OSBPL10: variants seen among roughly 807,000 people sequenced by gnomAD.
OSBPL10 encodes oxysterol binding protein like 10, also known as oxysterol-binding protein-related protein 10.
Under a neutral mutation model 81.7 loss-of-function variants are expected in OSBPL10, and 49 were observed. The observed-to-expected ratio is 0.60, with a 90% CI of 0.48 to 0.76. The LOEUF (loss-of-function observed/expected upper bound fraction) is 0.76. OSBPL10 is among the 30% of genes least tolerant of loss of function. OSBPL10 has a pLI of 0.00. For synonymous variants in OSBPL10, 419 were observed against 383.6 expected (o/e 1.09, Z -1.08); for missense variants, 923 against 987.8 (o/e 0.93, Z 0.88).
intron 1 of OSBPL10, among the ~76,000 whole-genome samples, chr3:31,931,626 T>C (rs1303138951): frequency 6.6e-6 from 1 of 152,246 alleles, no homozygotes; most frequent in African/African-American, 2.4e-5. Context: ...TCTGTGCTTA[T>C]GTTTTTAATT....
At chr3:31,804,536 GA>G (rs1291307620) in intron 4 of OSBPL10, among the ~76,000 whole-genome samples, 2 of 152,170 alleles carry the variant, frequency 1.3e-5, no homozygotes, top group African/African-American at 2.4e-5. Flanking sequence ...TATTAGGACA[GA>G]AGGGGAGAGA....
intron 1 of OSBPL10, chr3:31,960,003 A>G (rs1698113647): frequency 6.6e-6 from 1 of 152,240 alleles, no homozygotes; most frequent in South Asian, 2.1e-4. Context: ...AATGCAGAAA[A>G]TGAAAGTTGC....
chr3:31,982,085 C>T (rs1698861760), upstream of OSBPL10, among the ~76,000 whole-genome samples: 1 of 152,144 alleles, frequency 6.6e-6, no homozygotes, highest in Admixed American at 6.5e-5. Context: ...ATAAACCTGG[C>T]AAGTCAAAAC....
chr3:32,073,372 G>A (rs188110510), intron 1 of OSBPL10, among the ~76,000 whole-genome samples: 22 of 152,156 alleles, frequency 1.4e-4, no homozygotes, highest in Admixed American at 3.3e-4. Flanking sequence ...CTACAACCTC[G>A]ATGGACAGGA....
chr3:31,754,658 A>G (rs76132765), intron 4 of OSBPL10, among the ~76,000 whole-genome samples: 17,668 of 152,182 alleles, frequency 0.12, 1,472 homozygotes, highest in African/African-American at 0.24. Flanking sequence ...AAAGGGCCAC[A>G]TGGTAAACAC....
At chr3:31,690,141 C>T (rs1466304927) in intron 7 of OSBPL10, among the ~76,000 whole-genome samples, 1 of 152,078 alleles carries the variant, frequency 6.6e-6, no homozygotes, top group Non-Finnish European at 1.5e-5. Context: ...TTGTAATCCC[C>T]AGTGTTGGAG....
chr3:31,831,979 C>T (rs939558583), intron 3 of OSBPL10, among the ~76,000 whole-genome samples: 3 of 152,200 alleles, frequency 2.0e-5, no homozygotes, highest in African/African-American at 7.2e-5. Context: ...ACCCAAATGT[C>T]CGTCAGCATG....
At chr3:31,708,337 G>A (rs1455927635) in intron 6 of OSBPL10, among the ~76,000 whole-genome samples, 1 of 152,142 alleles carries the variant, frequency 6.6e-6, no homozygotes, top group East Asian at 1.9e-4. Context: ...ATTCCAATAT[G>A]TACAGCATAT....
intron 4 of OSBPL10, among the ~76,000 whole-genome samples, chr3:31,797,408 A>C (rs529956674): frequency 6.6e-6 from 1 of 152,300 alleles, no homozygotes; most frequent in Admixed American, 6.5e-5. Flanking sequence ...CTTAGATGGA[A>C]TCTCCCACCT....
At chr3:31,846,483 G>A (rs796518514) in intron 3 of OSBPL10, among the ~76,000 whole-genome samples, 196 of 152,036 alleles carry the variant, frequency 1.3e-3, no homozygotes, top group African/African-American at 4.5e-3. Context: ...AAAATTAGCC[G>A]GGCCTGGTGG....
At chr3:31,987,125 C>G (rs1228706054) in intron 2 of OSBPL10, among the ~76,000 whole-genome samples, 1 of 152,118 alleles carries the variant, frequency 6.6e-6, no homozygotes, top group Non-Finnish European at 1.5e-5. Context: ...TACACACACA[C>G]ACACACACAT....
At chr3:31,684,784 G>GGAGGTCGGTCCTC (rs1402235387) in intron 7 of OSBPL10, among the ~76,000 whole-genome samples, 1 of 152,228 alleles carries the variant, frequency 6.6e-6, no homozygotes, top group African/African-American at 2.4e-5. Context: ...TTCCATCTGT[G>GGAGGTCGGTCCTC]GAGGTCGGTC....
chr3:32,030,062 A>C, intron 2 of OSBPL10: 1 of 178,876 alleles, frequency 5.6e-6, no homozygotes, highest in Non-Finnish European at 1.2e-5. Flanking sequence ...TGAGTCATAA[A>C]ATGAGAATAG....
intron 2 of OSBPL10, among the ~76,000 whole-genome samples, chr3:31,998,633 T>G (rs1699114733): frequency 6.6e-6 from 1 of 152,224 alleles, no homozygotes; most frequent in Non-Finnish European, 1.5e-5. Flanking sequence ...CCAAATATGG[T>G]CCTCTAGTCA....
intron 1 of OSBPL10, among the ~76,000 whole-genome samples, chr3:32,059,526 G>A (rs1162017319): frequency 6.6e-6 from 1 of 152,058 alleles, no homozygotes; most frequent in African/African-American, 2.4e-5. Flanking sequence ...GGGAGGTGGA[G>A]GTTGCAGTGA....
chr3:31,993,077 C>T (rs1325191958), intron 2 of OSBPL10, among the ~76,000 whole-genome samples: 3 of 152,060 alleles, frequency 2.0e-5, no homozygotes, highest in Non-Finnish European at 4.4e-5. Flanking sequence ...GAGCCAAAGA[C>T]GGGAAAATAT....
At chr3:31,797,506 A>G (rs777042699) in intron 4 of OSBPL10, among the ~76,000 whole-genome samples, 4 of 152,300 alleles carry the variant, frequency 2.6e-5, no homozygotes, top group Admixed American at 1.3e-4. Context: ...AGGAGACCCA[A>G]TGCAATCGCC....
chr3:31,812,207 C>G (rs1398275625), intron 4 of OSBPL10, among the ~76,000 whole-genome samples: 2 of 151,770 alleles, frequency 1.3e-5, no homozygotes, highest in Admixed American at 1.3e-4. Context: ...AATTTTTGTA[C>G]TTTTAGTAGT....
At chr3:31,992,302 A>G (rs1044187121) in intron 2 of OSBPL10, among the ~76,000 whole-genome samples, 3 of 152,206 alleles carry the variant, frequency 2.0e-5, no homozygotes, top group Non-Finnish European at 2.9e-5. Flanking sequence ...AGCTTTTTGT[A>G]TTGGTTTCCT....
Sources: allele counts gnomAD v4.1 joint callset (sites outside exome capture counted in the v4.1 genomes callset), GRCh38; gene constraint gnomAD v4.1.1; transcripts MANE v1.5; gene names NCBI Gene and HGNC (gene_info 2026-07-23, HGNC 2026-07-21).